Variants in RAPH1 observed in about 807,000 individuals in gnomAD.
RAPH1 encodes the protein Ras association (RalGDS/AF-6) and pleckstrin homology domains 1, also known as ras-associated and pleckstrin homology domains-containing protein 1.
A neutral mutation model predicts 88.1 loss-of-function variants in RAPH1; 18 were observed. That is an observed-to-expected ratio of 0.20 (90% CI 0.14 to 0.30). The LOEUF (loss-of-function observed/expected upper bound fraction) is 0.30. RAPH1 is among the 10% of genes least tolerant of loss of function. The pLI is 1.00. For missense variants in RAPH1, 1,448 were observed against 1,543.2 expected (o/e 0.94, Z 1.03); for synonymous variants, 587 against 559.0 (o/e 1.05, Z -0.71).
chr2:203,517,926 T>C (rs1689689234), intron 1 of RAPH1, among the ~76,000 whole-genome samples: 1 of 151,928 alleles, frequency 6.6e-6, no homozygotes, highest in Non-Finnish European at 1.5e-5. Flanking sequence ...GGACCTAAAA[T>C]CAACAATCTA....
chr2:203,516,756 A>T (rs997251639), intron 1 of RAPH1, among the ~76,000 whole-genome samples: 2 of 151,486 alleles, frequency 1.3e-5, no homozygotes, highest in Non-Finnish European at 2.9e-5. Flanking sequence ...AAAAAAGGCC[A>T]GGCGCAGTGA....
At chr2:203,470,458 T>C in intron 4 of RAPH1, 1 of 542,724 alleles carries the variant, frequency 1.8e-6, no homozygotes, top group South Asian at 2.8e-5. Flanking sequence ...GAGTGAAATA[T>C]CTCCACAAAG....
chr2:203,470,455 A>G (rs1017864943), intron 4 of RAPH1: 1 of 547,860 alleles, frequency 1.8e-6, no homozygotes, highest in Non-Finnish European at 3.2e-6. Context: ...GTTGAGTGAA[A>G]TATCTCCACA....
At chr2:203,512,106 C>T (rs995449204) in intron 1 of RAPH1, among the ~76,000 whole-genome samples, 8 of 150,834 alleles carry the variant, frequency 5.3e-5, no homozygotes, top group Non-Finnish European at 7.4e-5. Flanking sequence ...AGTGAGACTC[C>T]GTTCCAAAAA....
At chr2:203,511,531 T>G (rs1689342142) in intron 1 of RAPH1, among the ~76,000 whole-genome samples, 1 of 152,228 alleles carries the variant, frequency 6.6e-6, no homozygotes, top group South Asian at 2.1e-4. Context: ...GTAAGGGTTC[T>G]TGCACCTGAC....
Position 203,439,429 on chromosome 2 carries a change from T to C in RAPH1, c.*8A>G, listed in dbSNP as rs368238304. On this transcript the variant is annotated 3_prime_UTR_variant, in exon 14 of 14. Transcript: ENST00000319170. The stretch of plus-strand genomic sequence containing the variant: ...TACAGATATCATGAAAATAAAGTCC[T>C]ATGGTGGCTACCAGTCTCTGGAGAG... The C allele has an allele frequency of 6.8e-6, 11 of 1,611,632 alleles. No individual in the cohort carries two copies. In the African/African-American group the frequency reaches 1.3e-4, roughly 20 times the overall value.
At position 203,434,692 on chromosome 2, in the gene RAPH1, T is replaced by C. The variant is rs2098497017; in HGVS notation, c.*4745A>G. On this transcript the variant is annotated 3_prime_UTR_variant, in exon 14 of 14. Coordinates refer to ENST00000319170, the MANE Select transcript of RAPH1 (RefSeq NM_213589.3). ...ATAAGGGTTTCTCCCCCTTTAGTGC[T>C]GCAGACAAGTTTTACTGCCTAAGAC... 1.3e-5 allele frequency: 2 copies of C among 152,592 alleles called. No homozygotes were observed. Among genetic ancestry groups the C allele is most frequent in the South Asian group, 4.1e-4 (2 of 4,832 alleles). The allele number at this position is 152,592 out of a possible 1,614,324, so 9.5% of individuals were successfully genotyped here. A position where few individuals can be genotyped will look rare whatever the true frequency, so the allele number is the denominator to read the frequency against.
intron 4 of RAPH1, among the ~76,000 whole-genome samples, chr2:203,488,545 C>T (rs928674314): frequency 1.4e-5 from 2 of 140,998 alleles, no homozygotes; most frequent in Non-Finnish European, 3.0e-5. Flanking sequence ...CAAGATCATG[C>T]CACTGCACTC....
intron 1 of RAPH1, among the ~76,000 whole-genome samples, chr2:203,534,114 C>T (rs558405067): frequency 6.2e-4 from 94 of 152,318 alleles, no homozygotes; most frequent in African/African-American, 2.2e-3. Context: ...GATCACGCCT[C>T]ATCCCTAACC....
chr2:203,531,189 C>A (rs1690373873), intron 1 of RAPH1, among the ~76,000 whole-genome samples: 1 of 151,838 alleles, frequency 6.6e-6, no homozygotes, highest in Admixed American at 6.6e-5. Flanking sequence ...TTGGATATAA[C>A]ACCAAAAGCA....
At chr2:203,470,432 A>G in intron 4 of RAPH1, 1 of 575,812 alleles carries the variant, frequency 1.7e-6, no homozygotes, top group South Asian at 2.7e-5. Context: ...TTAATCTCAT[A>G]TCTTTTCCCT....
chr2:203,499,421 C>CA (rs1688645653), intron 1 of RAPH1, among the ~76,000 whole-genome samples: 1 of 149,694 alleles, frequency 6.7e-6, no homozygotes, highest in Non-Finnish European at 1.5e-5. Flanking sequence ...AGTTTAACAG[C>CA]AACAAAAAAA....
chr2:203,440,975 G>C lies in RAPH1; in HGVS notation c.2215C>G (p.Gln739Glu). 2 of 1,582,118 alleles carry C rather than the reference G, an allele frequency of 1.3e-6. No homozygotes were observed. Among genetic ancestry groups the C allele is most frequent in the South Asian group, 2.3e-5 (2 of 86,412 alleles). ...AGTGGAGGAGGCGGGGCACTGAACT[G>C]TGGAAGGGATGGGGCACACGGTGCA... The part of the protein sequence containing the change: ...KPAPCAPSLP[Q>E]FSAPPPPLKI... The change falls in exon 14 of 14, where the codon CAG (glutamine) becomes GAG (glutamate). Residue 739 changes from glutamine (Q) to glutamate (E), a missense_variant. Gln to Glu is a conservative substitution (Grantham distance 29). This residue lies in a region of RAPH1 where 935 missense variants were observed against 890.1 expected (regional missense o/e 1.05). Transcript: ENST00000319170.
At chr2:203,470,877 C>T (rs2098532423) in intron 4 of RAPH1, among the ~76,000 whole-genome samples, 1 of 152,114 alleles carries the variant, frequency 6.6e-6, no homozygotes. Flanking sequence ...TTTATTAACC[C>T]ACTCATTATT....
chr2:203,472,994 A>C (rs2098534442), intron 4 of RAPH1, among the ~76,000 whole-genome samples: 1 of 152,250 alleles, frequency 6.6e-6, no homozygotes, highest in Admixed American at 6.5e-5. Flanking sequence ...TGGTGGTCCC[A>C]AAATATGCCA....
Position 203,441,259 on chromosome 2 carries a change from G to T in RAPH1, c.1931C>A (p.Pro644His). The T allele has an allele frequency of 7.6e-7, 1 of 1,309,026 alleles. No individual in the cohort carries two copies. The highest frequency in any genetic ancestry group is 1.0e-6 in the Non-Finnish European group (1 of 960,930). 81.1% of individuals were successfully genotyped at this position (1,309,026 alleles called of 1,614,324 possible). ...PPPPPPPPPP[P>H]PPPPLPSQSA... ...CTGGCTGGGGAGTGGGGGAGGAGGG[G>T]GTGGTGGAGGGGGTGGTGGAGGAGG... Residue 644 changes from proline to histidine, a missense_variant, in exon 14 of 14, where the codon CCC (proline) becomes CAC (histidine). Pro to His is a moderately conservative substitution (Grantham distance 77). Coordinates refer to ENST00000319170, the MANE Select transcript of RAPH1 (RefSeq NM_213589.3).
At position 203,491,048 on chromosome 2, in the gene RAPH1, A is replaced by G. The variant is rs538643495; in HGVS notation, c.226+166T>C. Among the ~76,000 whole-genome samples, 321 of 151,246 alleles carry G rather than the reference A, an allele frequency of 2.1e-3. 2 individuals carry two copies. Among genetic ancestry groups the G allele is most frequent in the Non-Finnish European group, 3.2e-3 (220 of 67,720 alleles). ...GACAAAAGCGAAACTCTGTCTCAAA[A>G]AAAAAAAAAAAAGAAAAAAGAAAAG... On this transcript the variant is annotated intron_variant, in intron 3 of 13. Coordinates refer to ENST00000319170, the MANE Select transcript of RAPH1 (RefSeq NM_213589.3).
chr2:203,481,105 C>T (rs1659946185), intron 4 of RAPH1, among the ~76,000 whole-genome samples: 4 of 152,126 alleles, frequency 2.6e-5, no homozygotes, highest in Admixed American at 2.6e-4. Flanking sequence ...TACAAAAACA[C>T]CACAAGATGG....
intron 10 of RAPH1, among the ~76,000 whole-genome samples, chr2:203,453,983 G>A (rs1411781847): frequency 6.6e-6 from 1 of 151,984 alleles, no homozygotes; most frequent in Non-Finnish European, 1.5e-5. Flanking sequence ...TATAGTTCAG[G>A]GAAAAAAAGA....
Sources: gnomAD v4.1 joint callset for allele counts (sites outside exome capture counted in the v4.1 genomes callset) on GRCh38, gnomAD v4.1.1 for gene constraint, gnomAD v4.1.1 regional missense constraint, MANE v1.5 for transcripts, NCBI Gene and HGNC (gene_info 2026-07-23, HGNC 2026-07-21) for gene names.